The following UNC79 variants were observed in gnomAD, a reference collection of about 807,000 sequenced individuals.
UNC79 encodes the protein protein unc-79 homolog.
Under a neutral mutation model 283.1 loss-of-function variants are expected in UNC79, and 37 were observed. The observed-to-expected ratio is 0.13, with a 90% CI of 0.10 to 0.17. The LOEUF is 0.17. Ranked by LOEUF, UNC79 falls within the 10% of genes least tolerant of loss-of-function variation. The pLI, the probability that UNC79 is intolerant of heterozygous loss-of-function variation, is 1.00. For synonymous variants in UNC79, 1,107 were observed against 1,200.2 expected (o/e 0.92, Z 1.61); for missense variants, 2,272 against 3,211.1 (o/e 0.71, Z 7.07).
chr14:93,467,894 T>G, intron 2 of UNC79, 103 bp downstream of exon 2: 9 of 1,295,826 alleles, frequency 6.9e-6, no homozygotes, highest in Non-Finnish European at 9.0e-6. Context: ...AAAGGGCCTA[T>G]GTTTTCTAGT....
Position 93,642,226 on chromosome 14 carries a change from C to A in UNC79, c.5903+979C>A, listed in dbSNP as rs575908112. ...GATCACGAGGTCAGGAGATCGAGAC[C>A]ATCCTGGCTAACATGGTGAAACCCT... On this transcript the variant is annotated intron_variant, in intron 33 of 48. Coordinates refer to ENST00000555664, the Ensembl canonical transcript of UNC79. 5.9e-5 allele frequency among the ~76,000 whole-genome samples: 9 copies of A among 152,012 alleles called. No homozygotes were observed. In the South Asian group the frequency reaches 1.0e-3, roughly 18 times the overall value.
chr14:93,625,257 A>G (rs113010861), intron 30 of UNC79, among the ~76,000 whole-genome samples: 2,804 of 151,970 alleles, frequency 0.018, 79 homozygotes, highest in African/African-American at 0.064. Flanking sequence ...CCCCTTTCAG[A>G]CCCTTCCCTT....
chr14:93,600,481 A>G, intron 24 of UNC79, 88 bp from the exon 25 acceptor site: 2 of 891,320 alleles, frequency 2.2e-6, no homozygotes, highest in Non-Finnish European at 3.4e-6. Context: ...TGTTTCATTG[A>G]CTTTGCCTAG....
Position 93,430,777 on chromosome 14 carries a change from G to A in UNC79, c.-253G>A. On this transcript the variant is annotated 5_prime_UTR_variant, in exon 1 of 49. Coordinates refer to ENST00000555664, the Ensembl canonical transcript of UNC79. The surrounding 1 kb of genome is among the most constrained non-coding windows in gnomAD (Gnocchi z 4.6). ...AACGCGGGCAGCTCCAGGAGGGGAC[G>A]GACAGGAAGCCTTTGGCCGCCTATT... is the stretch of plus-strand genomic sequence containing the variant. The A allele has an allele frequency of 2.3e-6, 1 of 437,210 alleles. No individual in the cohort carries two copies. Among genetic ancestry groups the A allele is most frequent in the Non-Finnish European group, 4.2e-6 (1 of 236,032 alleles). The allele number at this position is 437,210 out of a possible 1,614,324, so 27.1% of individuals were successfully genotyped here.
chr14:93,661,125 T>G (rs113370532), intron 39 of UNC79, among the ~76,000 whole-genome samples: 25 of 152,318 alleles, frequency 1.6e-4, no homozygotes, highest in African/African-American at 5.3e-4. Flanking sequence ...TAGTCATTTT[T>G]TTTCTGGGAA....
chr14:93,493,901 A>ATATTTTTT (rs1251701550), intron 5 of UNC79, among the ~76,000 whole-genome samples: 21 of 49,256 alleles, frequency 4.3e-4, no homozygotes, highest in African/African-American at 7.1e-4. Flanking sequence ...ATATATATAT[A>ATATTTTTT]TTTTTTTTTT....
At position 93,613,002 on chromosome 14, in the gene UNC79, G is replaced by A. The variant is rs367817052; in HGVS notation, c.3960G>A (p.Gln1320=). The A allele has an allele frequency of 1.6e-5, 26 of 1,614,192 alleles. No individual in the cohort carries two copies. In the African/African-American group the frequency reaches 2.8e-4, roughly 17 times the overall value. The change falls in exon 27 of 49, where the codon CAG becomes CAA. Residue 1320 remains glutamine (Q), a synonymous_variant. Coordinates refer to ENST00000555664, the Ensembl canonical transcript of UNC79. ...TGTACGTCTTACTCGGCTATGACCA[G>A]CAGGAAGGTTGCTTCATGATTGCAC... is the stretch of plus-strand genomic sequence containing the variant.
In UNC79 at chr14:93,688,793, C is replaced by T; in HGVS notation, c.7038C>T (p.Ile2346=). The stretch of plus-strand genomic sequence containing the variant: ...ACCACAGAGATAACAAAGCTGTGAT[C>T]CGCTATCTGCCTTGGCTTTATCATC... Residue 2346 remains isoleucine, a synonymous_variant, in exon 44 of 49, where the codon ATC becomes ATT. Coordinates refer to ENST00000555664, the Ensembl canonical transcript of UNC79. The surrounding 1 kb of genome is among the most constrained non-coding windows in gnomAD (Gnocchi z 4.0). The T allele has an allele frequency of 1.2e-6, 2 of 1,614,060 alleles. No individual in the cohort carries two copies. The highest frequency in any genetic ancestry group is 2.2e-5 in the South Asian group (2 of 91,060).
At chr14:93,593,704 G>C in exon 23 of UNC79, 1 of 1,612,608 alleles carries the variant, frequency 6.2e-7, no homozygotes, top group Non-Finnish European at 8.5e-7. Context: ...TCAAATCCGA[G>C]TTCTCTCAGC....
chr14:93,356,648 C>G (rs748181686), intron 1 of UNC79, among the ~76,000 whole-genome samples: 28 of 152,212 alleles, frequency 1.8e-4, no homozygotes, highest in Non-Finnish European at 4.0e-4. Context: ...GCAGAAATAA[C>G]TGGCTTTACT....
chr14:93,651,765 G>A (rs1305819033), intron 35 of UNC79, among the ~76,000 whole-genome samples: 1 of 151,842 alleles, frequency 6.6e-6, no homozygotes, highest in African/African-American at 2.4e-5. Context: ...TTGAAACAGA[G>A]TTTCGCTCTT....
chr14:93,567,321 G>C (rs1320188314), intron 14 of UNC79, among the ~76,000 whole-genome samples: 1 of 152,174 alleles, frequency 6.6e-6, no homozygotes, highest in African/African-American at 2.4e-5. Context: ...CGCCTCCCAG[G>C]TTCAAGCGAT....
chr14:93,691,613 T>A (rs902829035), intron 45 of UNC79, 136 bp from the exon 49 acceptor site: 22 of 853,630 alleles, frequency 2.6e-5, no homozygotes, highest in Non-Finnish European at 4.0e-5. Context: ...ATCATGACTT[T>A]GTAACTCTGA....
intron 1 of UNC79, among the ~76,000 whole-genome samples, chr14:93,375,439 A>G (rs1228043465): frequency 6.6e-6 from 1 of 152,204 alleles, no homozygotes; most frequent in East Asian, 1.9e-4. Flanking sequence ...TGTATGGATT[A>G]ATCCACCCAT....
chr14:93,706,904 A>T (rs759421434), exon 49 of UNC79: 5 of 1,614,156 alleles, frequency 3.1e-6, no homozygotes, highest in Non-Finnish European at 4.2e-6. Context: ...ATCCTCTATG[A>T]GTGGACTCCT....
intron 30 of UNC79, among the ~76,000 whole-genome samples, chr14:93,624,354 A>G (rs1347106128): frequency 6.6e-6 from 1 of 152,238 alleles, no homozygotes; most frequent in Non-Finnish European, 1.5e-5. Context: ...TTAAGAAGTT[A>G]AGAAGGCTTT....
intron 41 of UNC79, among the ~76,000 whole-genome samples, chr14:93,680,215 T>C (rs2073734042): frequency 6.6e-6 from 1 of 152,220 alleles, no homozygotes; most frequent in Non-Finnish European, 1.5e-5. Context: ...CATGCTGAAA[T>C]GTGCTTACAT....
upstream of UNC79, among the ~76,000 whole-genome samples, chr14:93,425,999 A>C (rs1453884710): frequency 2.0e-5 from 3 of 152,198 alleles, no homozygotes; most frequent in Admixed American, 6.5e-5. Flanking sequence ...CCTATAGTGC[A>C]AGTCTGCTGG....
chr14:93,706,505 G>T (rs1475761602), intron 48 of UNC79, among the ~76,000 whole-genome samples, 199 bp from the exon 52 acceptor site: 2 of 152,042 alleles, frequency 1.3e-5, no homozygotes, highest in Admixed American at 1.3e-4. Context: ...TATTATGATG[G>T]GTTTGGGCCA....
Sources: allele counts gnomAD v4.1 joint callset (sites outside exome capture counted in the v4.1 genomes callset), GRCh38; gene constraint gnomAD v4.1.1; non-coding constraint Gnocchi (gnomAD v3.1); transcripts MANE v1.5; gene names NCBI Gene and HGNC (gene_info 2026-07-23, HGNC 2026-07-21).